The following MYO7A variants were observed in gnomAD, a reference collection of about 807,000 sequenced individuals.
MYO7A encodes the protein myosin VIIA.
A neutral mutation model predicts 263.8 loss-of-function variants in MYO7A; 210 were observed. The ratio of observed to expected loss-of-function variants is 0.80; its 90% CI spans 0.71 to 0.89. The LOEUF (loss-of-function observed/expected upper bound fraction) is 0.89, where lower values mean the gene tolerates loss of function less well. Ranked by LOEUF, MYO7A falls within the 40% of genes least tolerant of loss-of-function variation. The pLI is 0.00. For synonymous variants in MYO7A, 1,239 were observed against 1,197.3 expected, an observed-to-expected ratio of 1.03 and a Z score of -0.72; for missense variants, 2,820 against 2,968.3, an observed-to-expected ratio of 0.95 and a Z score of 1.16.
chr11:77,214,766 C>A lies in MYO7A; in HGVS notation c.*70C>A. On this transcript the variant is annotated 3_prime_UTR_variant, in exon 49 of 49. Transcript: ENST00000409709. Reference sequence around the variant, plus strand: ...CAGTGGGTTCAGGCCCATCAGCTACCCCTGCAGCTGGGGAAGACTTATGCC... The same window carrying A: ...CAGTGGGTTCAGGCCCATCAGCTACACCTGCAGCTGGGGAAGACTTATGCC... The A allele has an allele frequency of 7.8e-7, 1 of 1,278,368 alleles. No homozygotes were observed. Among genetic ancestry groups the A allele is most frequent in the Non-Finnish European group, 1.1e-6 (1 of 907,302 alleles). 79.2% of individuals were successfully genotyped at this position (1,278,368 alleles called of 1,614,324 possible). A position where few individuals can be genotyped will look rare whatever the true frequency, so the allele number is the denominator to read the frequency against.
At chr11:77,141,453 AT>A (rs141401795) in intron 2 of MYO7A, among the ~76,000 whole-genome samples, 10 of 151,478 alleles carry the variant, frequency 6.6e-5, no homozygotes, top group African/African-American at 9.7e-5. Flanking sequence ...AAGTTGTTAC[AT>A]TTTTTTTTAC....
Position 77,190,888 on chromosome 11 carries a change from C to A in MYO7A, c.3924+18C>A. On this transcript the variant is annotated intron_variant, in intron 30 of 48. Transcript: ENST00000409709. The stretch of plus-strand genomic sequence containing the variant: ...TTGACAAGGTATGGCCGCCCGGAAG[C>A]ACCTCCTCCCGGAAGCACCTCCTCC... The A allele has an allele frequency of 6.5e-7, 1 of 1,529,294 alleles. No individual in the cohort carries two copies. Among genetic ancestry groups the A allele is most frequent in the South Asian group, 1.2e-5 (1 of 82,620 alleles). 94.7% of individuals were successfully genotyped at this position (1,529,294 alleles called of 1,614,324 possible).
intron 4 of MYO7A, among the ~76,000 whole-genome samples, chr11:77,149,636 C>T (rs1555056098): frequency 6.6e-6 from 1 of 152,156 alleles, no homozygotes; most frequent in African/African-American, 2.4e-5. Context: ...CTTCAGCTGC[C>T]AGAGAGGTCC....
intron 15 of MYO7A, among the ~76,000 whole-genome samples, chr11:77,167,424 G>A (rs1953655916): frequency 6.6e-6 from 1 of 152,118 alleles, no homozygotes; most frequent in Non-Finnish European, 1.5e-5. Flanking sequence ...TCTGCATTTT[G>A]CAGATGAGAG....
intron 16 of MYO7A, 108 bp downstream of exon 16, chr11:77,172,993 T>G (rs953770477): frequency 7.1e-7 from 1 of 1,412,182 alleles, no homozygotes; most frequent in East Asian, 2.5e-5. Flanking sequence ...TTTGTCCCTT[T>G]GGGGAATGGG....
In MYO7A at chr11:77,214,791, C is replaced by T. The variant is rs1295512061; in HGVS notation, c.*95C>T. 4 of 1,080,734 alleles carry T rather than the reference C, an allele frequency of 3.7e-6. No homozygotes were observed. In the African/African-American group the frequency reaches 4.7e-5, roughly 13 times the overall value. 66.9% of individuals were successfully genotyped at this position (1,080,734 alleles called of 1,614,324 possible). A position where few individuals can be genotyped will look rare whatever the true frequency, so the allele number is the denominator to read the frequency against. ...CCCTGCAGCTGGGGAAGACTTATGCCATCCCGGCAGCGAGGCTGGGCTGGC... is the reference window on the plus strand; with the variant it reads ...CCCTGCAGCTGGGGAAGACTTATGCTATCCCGGCAGCGAGGCTGGGCTGGC... On this transcript the variant is annotated 3_prime_UTR_variant, in exon 49 of 49. Coordinates refer to ENST00000409709, the MANE Select transcript of MYO7A (RefSeq NM_000260.4).
Position 77,172,796 on chromosome 11 carries a change from C to T in MYO7A, c.1846C>T (p.Arg616Trp), listed in dbSNP as rs369195493. 464 of 1,558,958 alleles carry T rather than the reference C, an allele frequency of 3.0e-4. No homozygotes were observed. The highest frequency in any genetic ancestry group is 3.7e-4 in the Non-Finnish European group (427 of 1,151,768). ...GCCCACACTTAGCAGCCAGTTCAAGCGGTCACTGGAGCTGCTGATGCGCAC... is the reference window on the plus strand; with the variant it reads ...GCCCACACTTAGCAGCCAGTTCAAGTGGTCACTGGAGCTGCTGATGCGCAC... ...RSPTLSSQFK[R>W]SLELLMRTLG... is the part of the protein sequence containing the mutation. The change falls in exon 16 of 49, where the codon CGG becomes TGG. Residue 616 changes from arginine (R) to tryptophan (W), a missense_variant. By Grantham distance (101) the Arg-to-Trp change is moderately radical. Coordinates refer to ENST00000409709, the MANE Select transcript of MYO7A (RefSeq NM_000260.4).
At chr11:77,148,714 AC>A (rs782550225) in intron 4 of MYO7A, among the ~76,000 whole-genome samples, 2 of 152,238 alleles carry the variant, frequency 1.3e-5, no homozygotes, top group East Asian at 3.9e-4. Context: ...TAAAGCTGGG[AC>A]ATTTAGAAAC....
At chr11:77,206,825 T>C (rs936691116) in intron 41 of MYO7A, among the ~76,000 whole-genome samples, 1 of 152,210 alleles carries the variant, frequency 6.6e-6, no homozygotes, top group African/African-American at 2.4e-5. Context: ...GGATTTCATT[T>C]GCAAGGACCA....
chr11:77,190,692 T>TC lies in MYO7A; in HGVS notation c.3751-3dup. 1 of 1,584,580 alleles carries TC rather than the reference T, an allele frequency of 6.3e-7. No individual in the cohort carries two copies. The highest frequency in any genetic ancestry group is 8.6e-7 in the Non-Finnish European group (1 of 1,166,758). On this transcript the variant is annotated splice_region_variant and splice_polypyrimidine_tract_variant and intron_variant, in intron 29 of 48. Transcript: ENST00000409709. The stretch of plus-strand genomic sequence containing the variant: ...ACCCCACAAACCCTCTTGGGGCACT[T>TC]CCAGGCCACCAAGTCCAAGAAGCCA...
chr11:77,148,050 G>A (rs937691469), intron 4 of MYO7A, 100 bp downstream of exon 4: 81 of 1,109,456 alleles, frequency 7.3e-5, no homozygotes, highest in Non-Finnish European at 8.5e-5. Flanking sequence ...CCGCCCTGCC[G>A]GGGCCCTGCC....
chr11:77,167,705 C>T (rs150889565), intron 15 of MYO7A, among the ~76,000 whole-genome samples: 2,523 of 152,312 alleles, frequency 0.017, 29 homozygotes, highest in Middle Eastern at 0.031. Context: ...TGACATCCTT[C>T]CACTTTGGCC....
intron 32 of MYO7A, among the ~76,000 whole-genome samples, 190 bp downstream of exon 32, chr11:77,194,714 A>G (rs1021512833): frequency 2.6e-5 from 4 of 152,176 alleles, no homozygotes; most frequent in African/African-American, 7.2e-5. Context: ...AGAGGGAATC[A>G]GACTTAACCT....
intron 12 of MYO7A, 87 bp downstream of exon 12, chr11:77,161,202 A>C (rs1555068592): frequency 1.3e-6 from 2 of 1,529,388 alleles, no homozygotes; most frequent in African/African-American, 2.7e-5. Flanking sequence ...AAGCACATTT[A>C]GTTGGCTCCT....
intron 4 of MYO7A, among the ~76,000 whole-genome samples, chr11:77,155,309 C>T (rs1952345539): frequency 1.3e-5 from 2 of 152,306 alleles, no homozygotes; most frequent in East Asian, 3.9e-4. Flanking sequence ...CTACGCTGCC[C>T]AGGATGGCTG....
intron 44 of MYO7A, chr11:77,210,842 G>C (rs868425191): frequency 5.1e-5 from 14 of 275,628 alleles, no homozygotes; most frequent in Middle Eastern, 1.0e-3. Flanking sequence ...GTTGCCAGCT[G>C]GTCACTCTGA....
intron 14 of MYO7A, among the ~76,000 whole-genome samples, chr11:77,165,309 G>A (rs77613243): frequency 0.036 from 5,480 of 152,142 alleles, 151 homozygotes; most frequent in Middle Eastern, 0.11. Context: ...TGGACACCCC[G>A]TCTCTTGCCC....
chr11:77,142,351 G>T (rs1453155607), intron 2 of MYO7A, among the ~76,000 whole-genome samples: 8 of 152,214 alleles, frequency 5.3e-5, no homozygotes, highest in African/African-American at 1.7e-4. Flanking sequence ...AGAGGAAGTG[G>T]TTTGAGTGGT....
intron 2 of MYO7A, 147 bp from the exon 3 acceptor site, chr11:77,142,562 G>C: frequency 1.4e-6 from 1 of 727,196 alleles, no homozygotes; most frequent in East Asian, 2.7e-5. Context: ...GCTCCAGAAG[G>C]TTGCTAGTAA....
Sources: gnomAD v4.1 joint callset for allele counts (sites outside exome capture counted in the v4.1 genomes callset) on GRCh38, gnomAD v4.1.1 for gene constraint, MANE v1.5 for transcripts, NCBI Gene and HGNC (gene_info 2026-07-23, HGNC 2026-07-21) for gene names.